WDR33: variants seen among roughly 807,000 people sequenced by gnomAD.
WDR33 encodes the protein WD repeat domain 33.
A neutral mutation model predicts 164.9 loss-of-function variants in WDR33; 47 were observed. The observed-to-expected ratio is 0.29, with a 90% CI of 0.23 to 0.36. The LOEUF (loss-of-function observed/expected upper bound fraction) is 0.36, where lower values mean the gene tolerates loss of function less well. Among genes scored for constraint, WDR33 ranks in the 10% least tolerant of loss-of-function variants. The pLI is 1.00. For synonymous variants in WDR33, 505 were observed against 589.0 expected (o/e 0.86, Z 2.06); for missense variants, 1,137 against 1,754.1 (o/e 0.65, Z 6.28).
intron 7 of WDR33, among the ~76,000 whole-genome samples, chr2:127,733,373 A>T (rs1347545988): frequency 6.6e-6 from 1 of 152,218 alleles, no homozygotes; most frequent in Non-Finnish European, 1.5e-5. Flanking sequence ...GAAGCCAGTG[A>T]TATGGGCACA....
At chr2:127,794,846 A>AG (rs201185847) in intron 1 of WDR33, among the ~76,000 whole-genome samples, 9 of 143,718 alleles carry the variant, frequency 6.3e-5, no homozygotes, top group African/African-American at 2.5e-4. Context: ...AAAAAAAAAA[A>AG]AAAAAAGAAA....
At chr2:127,789,898 T>C (rs1259787378) in intron 1 of WDR33, among the ~76,000 whole-genome samples, 2 of 151,560 alleles carry the variant, frequency 1.3e-5, no homozygotes, top group African/African-American at 2.4e-5. Flanking sequence ...TGCAGTGGTG[T>C]GATCTCGGCT....
Position 127,720,323 on chromosome 2 carries a change from G to T in WDR33, c.1702C>A (p.Gln568Lys), listed in dbSNP as rs779417733. ...GGAGGAGGCTGAATTTGCTCAACTT[G>T]TTTCTGTGCAAGTCTTTCAATTTTA... Reference protein sequence around the residue: ...QLKIERLAQKQVEQIQPPPSS... With the variant: ...QLKIERLAQKKVEQIQPPPSS... The change falls in exon 16 of 22, where the codon CAA (glutamine) becomes AAA (lysine). Residue 568 changes from glutamine to lysine, a missense_variant. Gln to Lys is a moderately conservative substitution (Grantham distance 53). Around this residue, in one of 9 missense-constraint regions of WDR33, gnomAD observed 867 missense variants for 1,073.0 expected, o/e 0.81. Coordinates refer to ENST00000322313, the MANE Select transcript of WDR33 (RefSeq NM_018383.5). This position sits in a 1 kb window ranked among gnomAD's most constrained non-coding sequence, Gnocchi z 5.9. The T allele has an allele frequency of 4.6e-6, 7 of 1,510,986 alleles. No individual in the cohort carries two copies. In the South Asian group the frequency reaches 9.5e-5, roughly 21 times the overall value. 93.6% of individuals were successfully genotyped at this position (1,510,986 alleles called of 1,614,324 possible).
intron 7 of WDR33, among the ~76,000 whole-genome samples, chr2:127,742,851 A>T (rs1262376936): frequency 3.4e-5 from 5 of 147,166 alleles, no homozygotes; most frequent in Non-Finnish European, 7.4e-5. Context: ...GTATACCTAT[A>T]CTCACAGTTA....
In WDR33 at chr2:127,709,426, GC is replaced by G. The variant is rs908930580; in HGVS notation, c.3565+63del. The G allele has an allele frequency of 4.4e-5, 67 of 1,514,294 alleles. No individual in the cohort carries two copies. The Admixed American group carries it at 1.1e-3, about 25-fold the overall frequency. 93.8% of individuals were successfully genotyped at this position (1,514,294 alleles called of 1,614,324 possible). ...GGAGACCCGGTGCACCCCAGAGAGGGCCCTCAGAACTCACTTTGTGAACTGC... is the reference window on the plus strand; with the variant it reads ...GGAGACCCGGTGCACCCCAGAGAGGGCCTCAGAACTCACTTTGTGAACTGC... On this transcript the variant is annotated intron_variant, in intron 20 of 21. Coordinates refer to ENST00000322313, the MANE Select transcript of WDR33 (RefSeq NM_018383.5). The surrounding 1 kb of genome is among the most constrained non-coding windows in gnomAD (Gnocchi z 5.0).
chr2:127,725,572 A>G (rs1686548736), intron 8 of WDR33, among the ~76,000 whole-genome samples: 1 of 152,106 alleles, frequency 6.6e-6, no homozygotes, highest in Non-Finnish European at 1.5e-5. Flanking sequence ...AGACTCTACT[A>G]AAAATACAAA....
At chr2:127,725,543 G>A (rs111741855) in intron 8 of WDR33, among the ~76,000 whole-genome samples, 2,297 of 152,174 alleles carry the variant, frequency 0.015, 59 homozygotes, top group African/African-American at 0.051. Flanking sequence ...AGACCAGCCT[G>A]GCCAACATGG....
In WDR33 at chr2:127,710,694, T is replaced by C. The variant is rs1034108225; in HGVS notation, c.3309-838A>G. Among the ~76,000 whole-genome samples the C allele has an allele frequency of 1.3e-5, 2 of 152,202 alleles. No individual in the cohort carries two copies. The highest frequency in any genetic ancestry group is 2.9e-5 in the Non-Finnish European group (2 of 68,034). On this transcript the variant is annotated intron_variant, in intron 18 of 21. Coordinates refer to ENST00000322313, the MANE Select transcript of WDR33 (RefSeq NM_018383.5). This position sits in a 1 kb window ranked among gnomAD's most constrained non-coding sequence, Gnocchi z 4.4. ...TGCGAAAGAAGAGAAAGTGACCTTCTGGCAGCGCTCACTGAGAGGCGGTGG... is the reference window on the plus strand; with the variant it reads ...TGCGAAAGAAGAGAAAGTGACCTTCCGGCAGCGCTCACTGAGAGGCGGTGG...
At chr2:127,711,286 G>A (rs55907339) in intron 18 of WDR33, among the ~76,000 whole-genome samples, 11,268 of 152,000 alleles carry the variant, frequency 0.074, 552 homozygotes, top group Middle Eastern at 0.16. Flanking sequence ...TTAGCTGGGC[G>A]TGGTGGCGCG....
intron 1 of WDR33, among the ~76,000 whole-genome samples, chr2:127,793,802 T>C (rs1688926212): frequency 6.6e-6 from 1 of 151,766 alleles, no homozygotes; most frequent in Admixed American, 6.6e-5. Context: ...ACCACCTTAC[T>C]CAACTTGGGA....
chr2:127,763,392 A>G lies in WDR33; in HGVS notation c.627-233T>C. 7.4e-7 allele frequency: 1 copy of G among 1,352,526 alleles called. No individual in the cohort carries two copies. Among genetic ancestry groups the G allele is most frequent in the South Asian group, 1.6e-5 (1 of 61,686 alleles). 83.8% of individuals were successfully genotyped at this position (1,352,526 alleles called of 1,614,324 possible). A position where few individuals can be genotyped will look rare whatever the true frequency, so the allele number is the denominator to read the frequency against. ...CAATCATCAGTATTCTGAGAACTTC[A>G]AGTGTGTATTATTAGTGCTAATGCT... On this transcript the variant is annotated intron_variant, in intron 6 of 21. Transcript: ENST00000322313. This position sits in a 1 kb window ranked among gnomAD's most constrained non-coding sequence, Gnocchi z 4.5.
chr2:127,748,949 C>A (rs1003745183), intron 7 of WDR33, among the ~76,000 whole-genome samples: 6 of 150,264 alleles, frequency 4.0e-5, no homozygotes, highest in Non-Finnish European at 7.4e-5. Flanking sequence ...AGTATGTTAG[C>A]TGTGAGAAGA....
Position 127,768,303 on chromosome 2 carries a change from A to T in WDR33, c.274-10T>A. The T allele has an allele frequency of 6.6e-7, 1 of 1,516,112 alleles. No individual in the cohort carries two copies. The highest frequency in any genetic ancestry group is 2.3e-5 in the East Asian group (1 of 42,650). The allele number at this position is 1,516,112 out of a possible 1,614,324, so 93.9% of individuals were successfully genotyped here. ...CTATAGGTGGGACCAGCTACAAAAAAGGAAAATTGGGTTCTTAGAGCTCCT... is the reference window on the plus strand; with the variant it reads ...CTATAGGTGGGACCAGCTACAAAAATGGAAAATTGGGTTCTTAGAGCTCCT... On this transcript the variant is annotated splice_polypyrimidine_tract_variant and intron_variant, in intron 3 of 21. Coordinates refer to ENST00000322313, the MANE Select transcript of WDR33 (RefSeq NM_018383.5).
chr2:127,736,788 T>C (rs1686858481), intron 7 of WDR33: 9 of 985,252 alleles, frequency 9.1e-6, no homozygotes, highest in South Asian at 4.7e-5. Flanking sequence ...TAAAAACATA[T>C]ACAGGTATAA....
chr2:127,702,278 G>GA lies in WDR33; in HGVS notation c.*4044_*4045insT. 9.1e-7 allele frequency: 1 copy of GA among 1,098,818 alleles called. No individual in the cohort carries two copies. The highest frequency in any genetic ancestry group is 4.6e-5 in the East Asian group (1 of 21,722). The allele number at this position is 1,098,818 out of a possible 1,614,324, so 68.1% of individuals were successfully genotyped here. ...GCACGCCGCTGTGCGGAAGCCCGTGGCGAAGGCCCTGCCCTAACAGCCTGC... is the reference window on the plus strand; with the variant it reads ...GCACGCCGCTGTGCGGAAGCCCGTGGACGAAGGCCCTGCCCTAACAGCCTGC... On this transcript the variant is annotated 3_prime_UTR_variant, in exon 22 of 22. Transcript: ENST00000322313.
intron 8 of WDR33, 70 bp from the exon 9 acceptor site, chr2:127,725,285 GA>G: frequency 6.8e-7 from 1 of 1,463,426 alleles, no homozygotes; most frequent in Non-Finnish European, 9.1e-7. Flanking sequence ...CATTTTTGTT[GA>G]AAAGCGAATT....
At chr2:127,790,674 G>GA (rs1374793453) in intron 1 of WDR33, among the ~76,000 whole-genome samples, 1 of 152,008 alleles carries the variant, frequency 6.6e-6, no homozygotes, top group Non-Finnish European at 1.5e-5. Context: ...ATGGCCAGAG[G>GA]ACCACAGTTC....
At chr2:127,775,197 A>T (rs9653199) in intron 1 of WDR33, among the ~76,000 whole-genome samples, 1,637 of 151,180 alleles carry the variant, frequency 0.011, 25 homozygotes, top group African/African-American at 0.032. Flanking sequence ...AAAAAAAAAA[A>T]TTTTTTTTTG....
chr2:127,724,816 CTA>C lies in WDR33; in HGVS notation c.1085+69_1085+70del, dbSNP rs796808388. On this transcript the variant is annotated intron_variant, in intron 10 of 21. Transcript: ENST00000322313. The surrounding 1 kb of genome is among the most constrained non-coding windows in gnomAD (Gnocchi z 4.8). ...ATGAACACTTAGAAAAGCTACAAAACTATCATGTCTGCACACATTCACGTGCT... is the reference window on the plus strand; with the variant it reads ...ATGAACACTTAGAAAAGCTACAAAACTCATGTCTGCACACATTCACGTGCT... The C allele has an allele frequency of 1.3e-6, 2 of 1,525,328 alleles. No homozygotes were observed. The highest frequency in any genetic ancestry group is 1.7e-5 in the Admixed American group (1 of 59,594). The allele number at this position is 1,525,328 out of a possible 1,614,324, so 94.5% of individuals were successfully genotyped here.
Sources: gnomAD v4.1 joint callset for allele counts (sites outside exome capture counted in the v4.1 genomes callset) on GRCh38, gnomAD v4.1.1 for gene constraint, gnomAD v4.1.1 regional missense constraint, Gnocchi (gnomAD v3.1) non-coding constraint, MANE v1.5 for transcripts, NCBI Gene and HGNC (gene_info 2026-07-23, HGNC 2026-07-21) for gene names.